The following C12orf42 variants were observed in gnomAD, a reference collection of about 807,000 sequenced individuals.
The protein encoded by C12orf42 is chromosome 12 open reading frame 42.
In C12orf42, 25 loss-of-function variants were observed where a neutral mutation model predicts 21.6. That is an observed-to-expected ratio of 1.16 (90% CI 0.84 to 1.62). The LOEUF is 1.62. Ranked by LOEUF, C12orf42 falls within the 40% of genes most tolerant of loss-of-function variation. The probability of loss-of-function intolerance (pLI) is 0.00; values close to 1 mark genes in which losing one functional copy is unlikely to be tolerated. For synonymous variants in C12orf42, 174 were observed against 175.0 expected, an observed-to-expected ratio of 0.99 and a Z score of 0.05; for missense variants, 483 against 459.3, an observed-to-expected ratio of 1.05 and a Z score of -0.47.
chr12:103,174,705 T>A, the C12orf42 span, among the ~76,000 whole-genome samples: 1 of 152,192 alleles, frequency 6.6e-6, no homozygotes, highest in Non-Finnish European at 1.5e-5. Flanking sequence ...AAATTATGAT[T>A]CATTTTTCTA....
In C12orf42 at chr12:103,367,021, T is replaced by A. The variant is rs1466298671; in HGVS notation, c.259+1866A>T. On this transcript the variant is annotated intron_variant, in intron 4 of 5. Transcript: ENST00000548883. ...GACATGCTTGTTTATATAAGCACAATTCACAGTTGCAAAAATGTGGAACCA... is the reference window on the plus strand; with the variant it reads ...GACATGCTTGTTTATATAAGCACAAATCACAGTTGCAAAAATGTGGAACCA... Among the ~76,000 whole-genome samples, 5 of 152,154 alleles carry A rather than the reference T, an allele frequency of 3.3e-5. No homozygotes were observed. In the South Asian group the frequency reaches 6.2e-4, roughly 19 times the overall value.
chr12:103,434,009 TG>T (rs1428592602), intron 2 of C12orf42, among the ~76,000 whole-genome samples: 1 of 152,234 alleles, frequency 6.6e-6, no homozygotes, highest in African/African-American at 2.4e-5. Context: ...TTGGTTCTCC[TG>T]AATGCTCTAC....
chr12:103,313,473 T>G (rs1037000498), intron 4 of C12orf42, among the ~76,000 whole-genome samples: 13 of 152,220 alleles, frequency 8.5e-5, no homozygotes, highest in African/African-American at 2.9e-4. Context: ...GGATCCAGAC[T>G]GCTCAAGTCA....
the C12orf42 span, among the ~76,000 whole-genome samples, chr12:103,124,088 A>G: frequency 6.7e-6 from 1 of 150,306 alleles, no homozygotes; most frequent in Non-Finnish European, 1.5e-5. Flanking sequence ...AATGTAATTC[A>G]TGGATATTCA....
chr12:103,507,739 T>A, the C12orf42 span, among the ~76,000 whole-genome samples: 1 of 152,062 alleles, frequency 6.6e-6, no homozygotes, highest in South Asian at 2.1e-4. Flanking sequence ...CACGTGGAAT[T>A]AGCAAGCTGT....
At chr12:103,507,339 G>C in the C12orf42 span, among the ~76,000 whole-genome samples, 1 of 124,166 alleles carries the variant, frequency 8.1e-6, no homozygotes, top group Non-Finnish European at 1.6e-5. Context: ...TGCTGTACCA[G>C]GGTATGTACC....
chr12:103,421,578 TATAAATAAATAAATAAATAAATAA>T (rs58157140), intron 2 of C12orf42, among the ~76,000 whole-genome samples: 3,569 of 147,294 alleles, frequency 0.024, 60 homozygotes, highest in Non-Finnish European at 0.037. Flanking sequence ...TGTCAATAAA[TATAAATAAATAAATAAATAAATAA>T]ATAAATAAAT....
At chr12:103,358,080 A>C (rs970273689) in intron 4 of C12orf42, among the ~76,000 whole-genome samples, 95 of 152,118 alleles carry the variant, frequency 6.2e-4, no homozygotes, top group African/African-American at 2.1e-3. Context: ...TGACGACTCC[A>C]TGTTTCTCAT....
intron 2 of C12orf42, among the ~76,000 whole-genome samples, chr12:103,459,113 C>T (rs1339463899): frequency 6.6e-6 from 1 of 152,142 alleles, no homozygotes; most frequent in East Asian, 1.9e-4. Context: ...TGAAGGAGTC[C>T]TCAAGCTAAA....
intron 1 of C12orf42, among the ~76,000 whole-genome samples, chr12:103,488,590 A>G (rs1354747666): frequency 2.6e-5 from 4 of 152,222 alleles, no homozygotes; most frequent in African/African-American, 7.2e-5. Flanking sequence ...ACGTACACCA[A>G]TCAAACATAG....
chr12:103,336,716 A>G (rs1049136206), intron 4 of C12orf42, among the ~76,000 whole-genome samples: 1 of 152,212 alleles, frequency 6.6e-6, no homozygotes, highest in African/African-American at 2.4e-5. Flanking sequence ...TTAGGGATTG[A>G]CCGTCTTAAT....
chr12:103,519,790 C>A, the C12orf42 span, among the ~76,000 whole-genome samples: 4 of 152,114 alleles, frequency 2.6e-5, no homozygotes, highest in Non-Finnish European at 4.4e-5. Context: ...CATACATCTC[C>A]CCACAGATGA....
the C12orf42 span, among the ~76,000 whole-genome samples, chr12:103,116,432 G>A: frequency 6.7e-6 from 1 of 149,366 alleles, no homozygotes; most frequent in Admixed American, 6.7e-5. Context: ...ATAAATTTGG[G>A]AAGATAGGGA....
At chr12:103,063,315 C>T in the C12orf42 span, among the ~76,000 whole-genome samples, 1 of 152,116 alleles carries the variant, frequency 6.6e-6, no homozygotes, top group South Asian at 2.1e-4. Context: ...GACATAAGCT[C>T]TTATCATGCA....
At chr12:103,140,845 C>T in the C12orf42 span, among the ~76,000 whole-genome samples, 1 of 151,726 alleles carries the variant, frequency 6.6e-6, no homozygotes, top group Non-Finnish European at 1.5e-5. Context: ...CACACACAGA[C>T]ACACACACAC....
chr12:103,378,156 CA>C (rs1175557643), intron 3 of C12orf42, among the ~76,000 whole-genome samples: 1 of 152,158 alleles, frequency 6.6e-6, no homozygotes, highest in Non-Finnish European at 1.5e-5. Flanking sequence ...TATTTCTGCC[CA>C]CATGCAACCT....
At chr12:103,552,308 C>T in the C12orf42 span, among the ~76,000 whole-genome samples, 92 of 152,252 alleles carry the variant, frequency 6.0e-4, no homozygotes, top group Non-Finnish European at 1.1e-3. Flanking sequence ...CTATTTCCCC[C>T]GTTAGTCAGA....
chr12:103,070,166 C>T, the C12orf42 span, among the ~76,000 whole-genome samples: 7 of 152,266 alleles, frequency 4.6e-5, no homozygotes, highest in Middle Eastern at 3.4e-3. Context: ...AAATATGACA[C>T]GTCTGAAGTG....
chr12:103,233,477 T>C (rs957117991), downstream of C12orf42, among the ~76,000 whole-genome samples: 1 of 152,216 alleles, frequency 6.6e-6, no homozygotes, highest in African/African-American at 2.4e-5. Context: ...TCTCTGTTTA[T>C]TTAGTTCTTT....
Sources: gnomAD v4.1 joint callset for allele counts (sites outside exome capture counted in the v4.1 genomes callset) on GRCh38, gnomAD v4.1.1 for gene constraint, MANE v1.5 for transcripts, NCBI Gene and HGNC (gene_info 2026-07-23, HGNC 2026-07-21) for gene names.